The following FHIT variants were observed in gnomAD, a reference collection of about 807,000 sequenced individuals.
FHIT encodes bis(5'-adenosyl)-triphosphatase.
A neutral mutation model predicts 17.9 loss-of-function variants in FHIT; 19 were observed. The observed-to-expected ratio is 1.06, with a 90% CI of 0.74 to 1.56. The LOEUF (loss-of-function observed/expected upper bound fraction) is 1.56. FHIT is among the 40% of genes most tolerant of loss of function. FHIT has a pLI of 0.00. For missense variants in FHIT, 248 were observed against 189.2 expected (o/e 1.31, Z -1.82); for synonymous variants, 81 against 69.7 (o/e 1.16, Z -0.81).
chr3:60,132,873 C>T (rs1023603910), intron 5 of FHIT, among the ~76,000 whole-genome samples: 3 of 152,116 alleles, frequency 2.0e-5, no homozygotes, highest in Non-Finnish European at 4.4e-5. Context: ...CCATCTAACA[C>T]CTTTTATCAC....
chr3:59,896,971 A>G (rs894140681), intron 8 of FHIT, among the ~76,000 whole-genome samples: 4 of 152,172 alleles, frequency 2.6e-5, no homozygotes, highest in Admixed American at 2.6e-4. Context: ...GGTAGCATGT[A>G]GAGTCAAGCA....
chr3:60,038,339 A>G (rs1407642041), intron 5 of FHIT, among the ~76,000 whole-genome samples: 1 of 152,214 alleles, frequency 6.6e-6, no homozygotes, highest in Non-Finnish European at 1.5e-5. Context: ...TGTAATTCAT[A>G]TGAAATCTGC....
At chr3:60,426,372 G>A (rs932340294) in intron 5 of FHIT, among the ~76,000 whole-genome samples, 18 of 152,074 alleles carry the variant, frequency 1.2e-4, no homozygotes, top group African/African-American at 4.3e-4. Flanking sequence ...AAGCAGTGAC[G>A]GATGATATCA....
At chr3:60,111,435 T>G (rs1180613846) in intron 5 of FHIT, among the ~76,000 whole-genome samples, 1 of 152,202 alleles carries the variant, frequency 6.6e-6, no homozygotes, top group African/African-American at 2.4e-5. Context: ...CTAAAACCAC[T>G]GATATATAAT....
chr3:60,189,291 C>T (rs936006503), intron 5 of FHIT, among the ~76,000 whole-genome samples: 10 of 152,036 alleles, frequency 6.6e-5, no homozygotes, highest in African/African-American at 2.4e-4. Context: ...CTAACTAGAT[C>T]TCCGGATTTT....
chr3:60,467,876 GGAT>G (rs1288375655), intron 5 of FHIT, among the ~76,000 whole-genome samples: 2 of 152,064 alleles, frequency 1.3e-5, no homozygotes, highest in Non-Finnish European at 2.9e-5. Flanking sequence ...CTTTCTGTCT[GGAT>G]GATATTTCCA....
intron 2 of FHIT, among the ~76,000 whole-genome samples, chr3:61,185,544 A>G (rs1405946923): frequency 6.6e-6 from 1 of 152,192 alleles, no homozygotes; most frequent in East Asian, 1.9e-4. Context: ...AATCCATCCC[A>G]GCCTAAGGAT....
chr3:59,955,741 C>A (rs1195856319), intron 7 of FHIT, among the ~76,000 whole-genome samples: 2 of 152,178 alleles, frequency 1.3e-5, no homozygotes, highest in Non-Finnish European at 2.9e-5. Context: ...CACCTCCTCT[C>A]CCCCTCTCCC....
intron 3 of FHIT, among the ~76,000 whole-genome samples, chr3:60,867,784 G>A (rs1704229887): frequency 6.6e-6 from 1 of 152,072 alleles, no homozygotes; most frequent in African/African-American, 2.4e-5. Flanking sequence ...CCTCAGCCTG[G>A]GTCTATCTGA....
chr3:60,001,975 G>T (rs577052607), intron 7 of FHIT, among the ~76,000 whole-genome samples: 1 of 152,156 alleles, frequency 6.6e-6, no homozygotes, highest in Non-Finnish European at 1.5e-5. Context: ...GGGGGAACAC[G>T]AACTGATATA....
At chr3:60,813,790 T>C (rs1292411408) in intron 4 of FHIT, among the ~76,000 whole-genome samples, 1 of 152,226 alleles carries the variant, frequency 6.6e-6, no homozygotes, top group Non-Finnish European at 1.5e-5. Flanking sequence ...TCTATATTCA[T>C]GTATAATCCT....
intron 2 of FHIT, among the ~76,000 whole-genome samples, chr3:61,093,035 A>G (rs1459936225): frequency 6.6e-6 from 1 of 152,180 alleles, no homozygotes; most frequent in East Asian, 1.9e-4. Flanking sequence ...CAGAGCTAAG[A>G]CAAATCCCAG....
At chr3:59,878,666 A>G (rs1439030282) in intron 8 of FHIT, among the ~76,000 whole-genome samples, 1 of 152,230 alleles carries the variant, frequency 6.6e-6, no homozygotes, top group East Asian at 1.9e-4. Flanking sequence ...AAAGTGCAAG[A>G]AAAACAATAT....
intron 3 of FHIT, among the ~76,000 whole-genome samples, chr3:60,862,356 C>T (rs888001110): frequency 3.3e-5 from 5 of 151,972 alleles, no homozygotes; most frequent in East Asian, 1.9e-4. Flanking sequence ...TTTATAGAGA[C>T]GCGGTCTCAC....
chr3:60,458,102 T>G (rs902912392), intron 5 of FHIT, among the ~76,000 whole-genome samples: 7 of 152,150 alleles, frequency 4.6e-5, no homozygotes, highest in Admixed American at 2.0e-4. Flanking sequence ...CAAAGGATTA[T>G]AAATCATGCT....
At chr3:60,795,827 T>C (rs2108131024) in intron 4 of FHIT, among the ~76,000 whole-genome samples, 1 of 152,344 alleles carries the variant, frequency 6.6e-6, no homozygotes, top group East Asian at 1.9e-4. Flanking sequence ...TTTCCATTTT[T>C]TGTTTTTGTA....
chr3:60,310,880 C>G (rs1708912533), intron 5 of FHIT, among the ~76,000 whole-genome samples: 1 of 152,164 alleles, frequency 6.6e-6, no homozygotes. Flanking sequence ...CATTTGTGCA[C>G]TTTCTTGCTT....
At chr3:60,373,101 A>G (rs1025735862) in intron 5 of FHIT, among the ~76,000 whole-genome samples, 1 of 152,224 alleles carries the variant, frequency 6.6e-6, no homozygotes, top group African/African-American at 2.4e-5. Context: ...GGACATACTG[A>G]TGTTAACACT....
intron 5 of FHIT, among the ~76,000 whole-genome samples, chr3:60,039,983 G>T (rs1575953115): frequency 6.6e-6 from 1 of 152,238 alleles, no homozygotes; most frequent in East Asian, 1.9e-4. Flanking sequence ...CCAAATATAT[G>T]CCAGGTATGA....
Sources: gnomAD v4.1 joint callset for allele counts (sites outside exome capture counted in the v4.1 genomes callset) on GRCh38, gnomAD v4.1.1 for gene constraint, MANE v1.5 for transcripts, NCBI Gene and HGNC (gene_info 2026-07-23, HGNC 2026-07-21) for gene names.